The following DOCK3 variants were observed in gnomAD, a reference collection of about 807,000 sequenced individuals.
The protein encoded by DOCK3 is dedicator of cytokinesis 3.
DOCK3 carries 60 observed loss-of-function variants against 265.6 expected under a neutral mutation model. The ratio of observed to expected loss-of-function variants is 0.23; its 90% CI spans 0.18 to 0.28. DOCK3 has a LOEUF of 0.28. Among genes scored for constraint, DOCK3 ranks in the 10% least tolerant of loss-of-function variants. DOCK3 has a pLI of 1.00. For synonymous variants in DOCK3, 881 were observed against 938.0 expected (o/e 0.94, Z 1.11); for missense variants, 1,981 against 2,594.3 (o/e 0.76, Z 5.14).
At chr3:50,775,775 T>C (rs1236001863) in intron 1 of DOCK3, among the ~76,000 whole-genome samples, 4 of 152,138 alleles carry the variant, frequency 2.6e-5, no homozygotes, top group Non-Finnish European at 5.9e-5. Flanking sequence ...CCACAGAGTC[T>C]ATTACTCTGT....
intron 6 of DOCK3, 135 bp downstream of exon 6, chr3:51,064,731 T>G: frequency 8.3e-7 from 1 of 1,201,502 alleles, no homozygotes; most frequent in Admixed American, 2.8e-5. Context: ...CTTTCATCAT[T>G]TTTGCTAGGA....
Position 50,675,803 on chromosome 3 carries a change from T to C in DOCK3, c.37+503T>C, listed in dbSNP as rs2107631416. Among the ~76,000 whole-genome samples the C allele has an allele frequency of 6.6e-6, 1 of 152,272 alleles. No individual in the cohort carries two copies. Among genetic ancestry groups the C allele is most frequent in the African/African-American group, 2.4e-5 (1 of 41,546 alleles). On this transcript the variant is annotated intron_variant, in intron 1 of 52. Transcript: ENST00000266037. This position sits in a 1 kb window ranked among gnomAD's most constrained non-coding sequence, Gnocchi z 6.1. ...CATTTGACTGCAAATGTTTGATCTG[T>C]TTTAATTTGTTTTGCCTTTAGTATT... is the stretch of plus-strand genomic sequence containing the variant.
intron 2 of DOCK3, among the ~76,000 whole-genome samples, chr3:50,779,572 T>C (rs1281603350): frequency 2.0e-5 from 3 of 152,008 alleles, no homozygotes; most frequent in South Asian, 4.2e-4. Context: ...TTAGTAGAGA[T>C]AGGATTTCAC....
At chr3:51,024,508 A>G (rs2108901302) in intron 5 of DOCK3, among the ~76,000 whole-genome samples, 1 of 150,024 alleles carries the variant, frequency 6.7e-6, no homozygotes, top group African/African-American at 2.5e-5. Flanking sequence ...ATGTTCTGAG[A>G]TTTTATCAGG....
At chr3:51,232,521 A>C (rs1292912350) in intron 19 of DOCK3, among the ~76,000 whole-genome samples, 1 of 152,166 alleles carries the variant, frequency 6.6e-6, no homozygotes. Flanking sequence ...TTTTCACCAC[A>C]TCCACACCCA....
intron 22 of DOCK3, among the ~76,000 whole-genome samples, chr3:51,255,101 G>T (rs940785055): frequency 7.9e-5 from 12 of 152,278 alleles, no homozygotes; most frequent in African/African-American, 2.9e-4. Flanking sequence ...GTCTGTAAAG[G>T]ATTTTATTTC....
At chr3:51,148,676 A>G (rs1038735212) in intron 10 of DOCK3, among the ~76,000 whole-genome samples, 4 of 151,672 alleles carry the variant, frequency 2.6e-5, no homozygotes, top group African/African-American at 9.7e-5. Context: ...TATTTCTGAG[A>G]CCTCTGTTCT....
rs2086417321 is a variant in DOCK3 at position 51,357,116 on chromosome 3, A to G, written c.4658A>G (p.Asn1553Ser). 2.5e-6 allele frequency: 4 copies of G among 1,612,554 alleles called. No individual in the cohort carries two copies. The highest frequency in any genetic ancestry group is 3.4e-6 in the Non-Finnish European group (4 of 1,179,860). The change falls in exon 44 of 53, where the codon AAT becomes AGT. Residue 1553 changes from asparagine to serine, a missense_variant. Asn to Ser is a conservative substitution (Grantham distance 46, BLOSUM62 1). This residue lies in a region of DOCK3 where 1,357 missense variants were observed against 1,866.8 expected (regional missense o/e 0.73). Transcript: ENST00000266037. ...AATGGTGTCATTGATGCAGCTGTCA[A>G]TGGAGGCATTGCACGCTATCAGGAG... is the stretch of plus-strand genomic sequence containing the variant. Reference protein sequence around the residue: ...CLNGVIDAAVNGGIARYQEAF... With the variant: ...CLNGVIDAAVSGGIARYQEAF...
chr3:51,162,070 T>C (rs766184070), intron 12 of DOCK3, among the ~76,000 whole-genome samples: 2 of 152,250 alleles, frequency 1.3e-5, no homozygotes, highest in Admixed American at 6.5e-5. Flanking sequence ...GTGGTGAGTT[T>C]AGTAAGTTTT....
Position 51,246,750 on chromosome 3 carries a change from G to T in DOCK3, c.2127G>T (p.Trp709Cys), listed in dbSNP as rs770922851. The change falls in exon 22 of 53, where the codon TGG (tryptophan) becomes TGT (cysteine). Residue 709 changes from tryptophan to cysteine, a missense_variant. Around this residue, in one of 4 missense-constraint regions of DOCK3, gnomAD observed 1,357 missense variants for 1,866.8 expected, o/e 0.73. Transcript: ENST00000266037. ...AYKELIRCLK[W>C]YMDCSAELIR... ...GGGAGCTCATCCGCTGTTTGAAGTG[G>T]TATATGGACTGCTCAGCAGAACTGA... is the stretch of plus-strand genomic sequence containing the variant. The T allele has an allele frequency of 6.2e-7, 1 of 1,613,474 alleles. No individual in the cohort carries two copies. Among genetic ancestry groups the T allele is most frequent in the East Asian group, 2.2e-5 (1 of 44,876 alleles).
At chr3:51,292,805 G>A (rs1338083197) in intron 27 of DOCK3, among the ~76,000 whole-genome samples, 1 of 152,092 alleles carries the variant, frequency 6.6e-6, no homozygotes, top group Non-Finnish European at 1.5e-5. Flanking sequence ...AGCCTCCTGA[G>A]TAGCTGGGTT....
chr3:50,875,063 G>A (rs1466860923), intron 3 of DOCK3, among the ~76,000 whole-genome samples: 3 of 152,170 alleles, frequency 2.0e-5, no homozygotes, highest in Non-Finnish European at 4.4e-5. Flanking sequence ...TTGTGGGGGA[G>A]GGGTGGGAGA....
rs200405924 is a variant in DOCK3, at chr3:50,778,690, G to A, written c.53G>A (p.Arg18Gln). The change falls in exon 2 of 53, where the codon CGA becomes CAA. Residue 18 changes from arginine (R) to glutamine (Q), a missense_variant. By Grantham distance (43) the Arg-to-Gln change is conservative (BLOSUM62 1). This residue lies in a region of DOCK3 where 456 missense variants were observed against 539.0 expected (regional missense o/e 0.85). Coordinates refer to ENST00000266037, the MANE Select transcript of DOCK3 (RefSeq NM_004947.5). ...EKYGVVICSF[R>Q]GSVPQGLVLE... ...GCTTTTCTAGTGATATGCAGCTTTC[G>A]AGGATCTGTCCCTCAAGGGTTGGTC... 5.9e-5 allele frequency: 93 copies of A among 1,586,020 alleles called. No individual in the cohort carries two copies. The highest frequency in any genetic ancestry group is 1.8e-5 in the Admixed American group (1 of 56,028).
At position 51,297,109 on chromosome 3, in the gene DOCK3, C is replaced by T. The variant is rs541332812; in HGVS notation, c.2923-13123C>T. Among the ~76,000 whole-genome samples, 23 of 97,044 alleles carry T rather than the reference C, an allele frequency of 2.4e-4. No homozygotes were observed. The South Asian group carries it at 9.7e-3, about 41-fold the overall frequency. 63.7% of individuals were successfully genotyped at this position (97,044 alleles called of 152,430 possible). On this transcript the variant is annotated intron_variant, in intron 27 of 52. Coordinates refer to ENST00000266037, the MANE Select transcript of DOCK3 (RefSeq NM_004947.5). Reference sequence around the variant, plus strand: ...CTCCAGCCTGGGGGATAGAGTGAGACTCTGTCTCAAAAAAAAAAAAAAAAA... The same window carrying T: ...CTCCAGCCTGGGGGATAGAGTGAGATTCTGTCTCAAAAAAAAAAAAAAAAA...
intron 18 of DOCK3, among the ~76,000 whole-genome samples, chr3:51,229,296 C>T (rs889195985): frequency 3.9e-5 from 6 of 152,264 alleles, no homozygotes; most frequent in South Asian, 2.1e-4. Flanking sequence ...ACTAAAAATA[C>T]GAAAATTACC....
At chr3:51,228,140 C>T in intron 17 of DOCK3, 52 bp downstream of exon 17, 3 of 1,559,398 alleles carry the variant, frequency 1.9e-6, no homozygotes, top group Non-Finnish European at 2.7e-6. Context: ...CCTGAGGCCA[C>T]TCTCACACAT....
intron 2 of DOCK3, among the ~76,000 whole-genome samples, chr3:50,817,461 A>ATT (rs879744915): frequency 2.1e-5 from 3 of 142,740 alleles, no homozygotes; most frequent in African/African-American, 5.1e-5. Context: ...CAACTAATTA[A>ATT]ATTTTTTTTT....
chr3:51,342,843 G>A (rs1474034498), intron 38 of DOCK3, among the ~76,000 whole-genome samples: 1 of 152,164 alleles, frequency 6.6e-6, no homozygotes, highest in Admixed American at 6.5e-5. Flanking sequence ...ACCTTCTCAG[G>A]AATCTCCTCA....
At chr3:51,261,576 C>T (rs2079849131) in intron 23 of DOCK3, among the ~76,000 whole-genome samples, 1 of 152,140 alleles carries the variant, frequency 6.6e-6, no homozygotes. Flanking sequence ...GTTCACTCCC[C>T]TGGAAAGGGG....
Sources: allele counts gnomAD v4.1 joint callset (sites outside exome capture counted in the v4.1 genomes callset), GRCh38; gene constraint gnomAD v4.1.1; regional missense constraint gnomAD v4.1.1; non-coding constraint Gnocchi (gnomAD v3.1); transcripts MANE v1.5; gene names NCBI Gene and HGNC (gene_info 2026-07-23, HGNC 2026-07-21).